CNTN5: variants seen among roughly 807,000 people sequenced by gnomAD.
CNTN5 encodes contactin-5.
CNTN5 carries 77 observed loss-of-function variants against 129.1 expected under a neutral mutation model. That is an observed-to-expected ratio of 0.60 (90% CI 0.50 to 0.72). The LOEUF (loss-of-function observed/expected upper bound fraction) is 0.72. CNTN5 is among the 30% of genes least tolerant of loss of function. The pLI is 0.00. For synonymous variants in CNTN5, 509 were observed against 465.6 expected, an observed-to-expected ratio of 1.09 and a Z score of -1.20; for missense variants, 1,478 against 1,328.8, an observed-to-expected ratio of 1.11 and a Z score of -1.75.
intron 13 of CNTN5, among the ~76,000 whole-genome samples, chr11:100,149,139 C>A (rs933519051): frequency 6.6e-6 from 1 of 152,144 alleles, no homozygotes; most frequent in African/African-American, 2.4e-5. Flanking sequence ...TATGCATTTG[C>A]ATATTACTCT....
intron 1 of CNTN5, among the ~76,000 whole-genome samples, chr11:99,264,092 TAC>T (rs1402243680): frequency 1.3e-4 from 19 of 151,868 alleles, no homozygotes; most frequent in Admixed American, 1.3e-3. Flanking sequence ...TCAATAAAAA[TAC>T]AGATATTCTA....
intron 3 of CNTN5, among the ~76,000 whole-genome samples, chr11:99,650,757 T>A (rs1302150999): frequency 6.6e-6 from 1 of 151,938 alleles, no homozygotes. Flanking sequence ...TTATGACTTT[T>A]TCATTGTAAT....
In CNTN5 at chr11:99,553,979, C is replaced by CACACACACACATAT. The variant is rs1555025628; in HGVS notation, c.-70-2155_-70-2154insTATACACACACACA. On this transcript the variant is annotated intron_variant, in intron 2 of 24. Transcript: ENST00000524871. ...TTGAAAATGAATACACACACACACA[C>CACACACACACATAT]ACACACACACACACACATACACACA... 6.2e-5 allele frequency among the ~76,000 whole-genome samples: 9 copies of CACACACACACATAT among 145,556 alleles called. No individual in the cohort carries two copies. The Admixed American group carries it at 6.2e-4, about 10-fold the overall frequency.
intron 18 of CNTN5, among the ~76,000 whole-genome samples, chr11:100,284,918 C>A (rs1351453189): frequency 6.6e-6 from 1 of 152,098 alleles, no homozygotes; most frequent in Admixed American, 6.6e-5. Flanking sequence ...GAGTTTCAAC[C>A]TGGATTAACG....
At chr11:99,057,015 C>T (rs1443730347) in intron 1 of CNTN5, among the ~76,000 whole-genome samples, 2 of 152,004 alleles carry the variant, frequency 1.3e-5, no homozygotes, top group African/African-American at 4.8e-5. Flanking sequence ...AAATTATGGA[C>T]ACTACCTGTA....
intron 3 of CNTN5, among the ~76,000 whole-genome samples, chr11:99,801,809 TTC>T (rs1414479387): frequency 1.3e-5 from 2 of 152,210 alleles, no homozygotes; most frequent in African/African-American, 4.8e-5. Flanking sequence ...TATCTCTTCC[TTC>T]TATTCCTGTA....
intron 1 of CNTN5, among the ~76,000 whole-genome samples, chr11:99,255,920 C>A (rs1862357936): frequency 6.6e-6 from 1 of 151,720 alleles, no homozygotes; most frequent in Non-Finnish European, 1.5e-5. Flanking sequence ...AGCAACAGTT[C>A]TTTTTAAAGA....
chr11:99,273,891 A>G (rs867872379), intron 1 of CNTN5, among the ~76,000 whole-genome samples: 5 of 151,786 alleles, frequency 3.3e-5, no homozygotes, highest in African/African-American at 1.2e-4. Context: ...CTACTAAAAA[A>G]ATACATTGCT....
chr11:99,059,690 A>G (rs1864794495), intron 1 of CNTN5, among the ~76,000 whole-genome samples: 1 of 152,052 alleles, frequency 6.6e-6, no homozygotes, highest in African/African-American at 2.4e-5. Context: ...TCTCTCTATT[A>G]ATAGTTCTAT....
At chr11:99,088,102 G>A (rs1866074496) in intron 1 of CNTN5, among the ~76,000 whole-genome samples, 1 of 152,134 alleles carries the variant, frequency 6.6e-6, no homozygotes, top group African/African-American at 2.4e-5. Flanking sequence ...TAAACCTTGG[G>A]TTCAGGTACA....
At chr11:99,867,377 T>A (rs1358340623) in intron 6 of CNTN5, among the ~76,000 whole-genome samples, 2 of 152,216 alleles carry the variant, frequency 1.3e-5, no homozygotes, top group Non-Finnish European at 2.9e-5. Context: ...TTGTGACAGA[T>A]TATCACAAAC....
intron 9 of CNTN5, chr11:100,004,115 C>G (rs1940048331): frequency 6.6e-6 from 1 of 152,218 alleles, no homozygotes; most frequent in Non-Finnish European, 1.5e-5. Context: ...CTCACTTGAG[C>G]TGCTTCTTAC....
chr11:99,213,089 G>A (rs1429278561), intron 1 of CNTN5, among the ~76,000 whole-genome samples: 1 of 151,628 alleles, frequency 6.6e-6, no homozygotes, highest in Non-Finnish European at 1.5e-5. Context: ...TACTTGGGAA[G>A]TTGAGGCAGG....
At chr11:99,487,652 A>G (rs1048495786) in intron 2 of CNTN5, among the ~76,000 whole-genome samples, 1 of 152,206 alleles carries the variant, frequency 6.6e-6, no homozygotes, top group Non-Finnish European at 1.5e-5. Context: ...TCTAGCAGAC[A>G]TCACTTGGAT....
chr11:100,295,269 C>T (rs1485350448), intron 18 of CNTN5, among the ~76,000 whole-genome samples: 1 of 151,468 alleles, frequency 6.6e-6, no homozygotes, highest in African/African-American at 2.4e-5. Context: ...CCTCACGGAG[C>T]TGATTTCAAG....
intron 15 of CNTN5, among the ~76,000 whole-genome samples, chr11:100,203,799 TACACACACACAC>T (rs59141425): frequency 2.2e-5 from 3 of 139,100 alleles, no homozygotes; most frequent in African/African-American, 5.4e-5. Context: ...AATGTGCACG[TACACACACACAC>T]ACACACACAC....
intron 8 of CNTN5, among the ~76,000 whole-genome samples, chr11:99,970,566 A>G (rs1359462903): frequency 6.6e-6 from 1 of 152,230 alleles, no homozygotes; most frequent in African/African-American, 2.4e-5. Flanking sequence ...GAATACATCC[A>G]AAGCACTTAG....
At chr11:99,219,663 T>TAAAAAAA (rs11403866) in intron 1 of CNTN5, among the ~76,000 whole-genome samples, 1 of 144,570 alleles carries the variant, frequency 6.9e-6, no homozygotes. Context: ...TGAGTAAGAT[T>TAAAAAAA]AAAAAAAAAA....
At chr11:100,324,779 TTA>T (rs1300341590) in intron 21 of CNTN5, among the ~76,000 whole-genome samples, 1 of 152,190 alleles carries the variant, frequency 6.6e-6, no homozygotes, top group Non-Finnish European at 1.5e-5. Flanking sequence ...ATATCCATTA[TTA>T]TGTTTCTTCT....
Sources: allele counts gnomAD v4.1 joint callset (sites outside exome capture counted in the v4.1 genomes callset), GRCh38; gene constraint gnomAD v4.1.1; transcripts MANE v1.5; gene names NCBI Gene and HGNC (gene_info 2026-07-23, HGNC 2026-07-21).